Variants in SIK3 observed in about 807,000 individuals in gnomAD.
SIK3 encodes serine/threonine-protein kinase SIK3.
A neutral mutation model predicts 144.2 loss-of-function variants in SIK3; 28 were observed. The observed-to-expected ratio is 0.19, with a 90% CI of 0.14 to 0.27. SIK3 has a LOEUF of 0.27. Ranked by LOEUF, SIK3 falls within the 10% of genes least tolerant of loss-of-function variation. The probability of loss-of-function intolerance (pLI) is 1.00; values close to 1 mark genes in which losing one functional copy is unlikely to be tolerated. For synonymous variants in SIK3, 686 were observed against 676.3 expected (o/e 1.01, Z -0.22); for missense variants, 1,319 against 1,776.0 (o/e 0.74, Z 4.62).
chr11:116,950,118 G>A (rs960227321), intron 3 of SIK3: 2 of 470,946 alleles, frequency 4.2e-6, no homozygotes, highest in Non-Finnish European at 8.8e-6. Flanking sequence ...CTGGGTCCTA[G>A]TATTCTCGGC....
intron 1 of SIK3, among the ~76,000 whole-genome samples, chr11:117,050,358 G>A (rs890094240): frequency 6.6e-6 from 1 of 151,930 alleles, no homozygotes; most frequent in African/African-American, 2.4e-5. Context: ...AGGACTCGAT[G>A]TACTAATTTT....
intron 5 of SIK3, 99 bp from the exon 6 acceptor site, chr11:116,896,475 C>G: frequency 4.6e-6 from 6 of 1,311,726 alleles, no homozygotes; most frequent in Non-Finnish European, 4.1e-6. Context: ...GTCATGCATA[C>G]GATTATGGAA....
At chr11:116,894,234 G>C (rs1432116713) in intron 6 of SIK3, among the ~76,000 whole-genome samples, 2 of 152,128 alleles carry the variant, frequency 1.3e-5, no homozygotes, top group Non-Finnish European at 1.5e-5. Flanking sequence ...ATGTTCCAGA[G>C]TTTAATTCAT....
chr11:116,965,734 AATATATATATATATATAT>A (rs58587995), intron 1 of SIK3, among the ~76,000 whole-genome samples: 1,741 of 118,308 alleles, frequency 0.015, 54 homozygotes, highest in African/African-American at 0.027. Flanking sequence ...TCTCTGCTAA[AATATATATATATATATAT>A]ATATATATAT....
At chr11:116,973,609 A>G (rs1949841489) in intron 1 of SIK3, among the ~76,000 whole-genome samples, 2 of 152,136 alleles carry the variant, frequency 1.3e-5, no homozygotes, top group South Asian at 2.1e-4. Flanking sequence ...AAAGGGGGGG[A>G]AAGAAAGAAC....
At chr11:117,077,475 A>G (rs61903415) in intron 1 of SIK3, among the ~76,000 whole-genome samples, 9,342 of 152,334 alleles carry the variant, frequency 0.061, 420 homozygotes, top group Non-Finnish European at 0.1. Context: ...GAAAGCATAC[A>G]GAAATTTGCT....
intron 1 of SIK3, among the ~76,000 whole-genome samples, chr11:117,031,929 G>T (rs1475100015): frequency 2.6e-5 from 4 of 151,970 alleles, no homozygotes; most frequent in Non-Finnish European, 5.9e-5. Context: ...AAAAACCACT[G>T]AATTTTACAG....
chr11:116,875,817 C>T, intron 9 of SIK3, 49 bp downstream of exon 9: 1 of 1,549,830 alleles, frequency 6.5e-7, no homozygotes, highest in Non-Finnish European at 8.7e-7. Flanking sequence ...TAACCTTTAC[C>T]CCCCTGGTGT....
chr11:116,893,561 G>C (rs1945244011), intron 6 of SIK3, among the ~76,000 whole-genome samples: 1 of 151,950 alleles, frequency 6.6e-6, no homozygotes, highest in African/African-American at 2.4e-5. Context: ...TGCAGCTCCA[G>C]CTATTTGGGA....
chr11:116,918,324 T>A (rs1378067418), intron 4 of SIK3, among the ~76,000 whole-genome samples: 1 of 152,134 alleles, frequency 6.6e-6, no homozygotes, highest in Non-Finnish European at 1.5e-5. Flanking sequence ...TCCGCTCAAC[T>A]CCCTTTCCCT....
chr11:116,885,862 T>C (rs965359885), intron 6 of SIK3, among the ~76,000 whole-genome samples: 1 of 152,230 alleles, frequency 6.6e-6, no homozygotes. Flanking sequence ...AGTTTTCTTA[T>C]TTATCAAATA....
At chr11:116,952,905 A>G (rs1189739116) in intron 3 of SIK3, among the ~76,000 whole-genome samples, 1 of 152,234 alleles carries the variant, frequency 6.6e-6, no homozygotes. Context: ...CTTTAAAATA[A>G]AGTATCCCCT....
intron 1 of SIK3, among the ~76,000 whole-genome samples, chr11:117,023,621 A>ATATATATATATATATATATATATAT (rs1555131640): frequency 2.0e-4 from 19 of 95,360 alleles, no homozygotes; most frequent in Non-Finnish European, 3.2e-4. Flanking sequence ...AAAAAAAAAA[A>ATATATATATATATATATATATATAT]ATATATATAT....
chr11:116,973,874 G>A (rs1949852026), intron 1 of SIK3, among the ~76,000 whole-genome samples: 1 of 152,064 alleles, frequency 6.6e-6, no homozygotes, highest in Non-Finnish European at 1.5e-5. Context: ...TCAAAAACAA[G>A]AAAAGACTGA....
chr11:117,081,485 G>A (rs555446238), intron 1 of SIK3, among the ~76,000 whole-genome samples: 283 of 152,288 alleles, frequency 1.9e-3, no homozygotes, highest in African/African-American at 6.4e-3. Flanking sequence ...TTAGCCGGGC[G>A]TGATGGCAGG....
At chr11:116,924,197 G>C (rs1947153151) in intron 4 of SIK3, among the ~76,000 whole-genome samples, 1 of 151,978 alleles carries the variant, frequency 6.6e-6, no homozygotes, top group South Asian at 2.1e-4. Context: ...GGGAGGCTGA[G>C]GTAGGAGAAT....
intron 3 of SIK3, among the ~76,000 whole-genome samples, chr11:116,940,659 G>A (rs1004326119): frequency 1.2e-4 from 18 of 151,772 alleles, no homozygotes; most frequent in Admixed American, 4.6e-4. Context: ...GTAAAGTGAG[G>A]TCAAAGCACA....
At chr11:117,018,722 T>A (rs1388010932) in intron 1 of SIK3, among the ~76,000 whole-genome samples, 54 of 147,480 alleles carry the variant, frequency 3.7e-4, no homozygotes, top group Non-Finnish European at 6.1e-4. Flanking sequence ...TTTTATTTAT[T>A]TTTTTTTTTT....
chr11:116,850,748 C>G (rs938011653), intron 21 of SIK3, among the ~76,000 whole-genome samples: 3 of 152,160 alleles, frequency 2.0e-5, no homozygotes, highest in African/African-American at 4.8e-5. Flanking sequence ...AGGCCGGGTG[C>G]GTGTAATCCC....
Sources: allele counts gnomAD v4.1 joint callset (sites outside exome capture counted in the v4.1 genomes callset), GRCh38; gene constraint gnomAD v4.1.1; transcripts MANE v1.5; gene names NCBI Gene and HGNC (gene_info 2026-07-23, HGNC 2026-07-21).